Variants in DLG2 observed in about 807,000 individuals in gnomAD.
DLG2 encodes the protein discs large MAGUK scaffold protein 2.
DLG2 carries 45 observed loss-of-function variants against 132.5 expected under a neutral mutation model. The ratio of observed to expected loss-of-function variants is 0.34; its 90% CI spans 0.27 to 0.44. DLG2 has a LOEUF of 0.44. Among genes scored for constraint, DLG2 ranks in the 20% least tolerant of loss-of-function variants. DLG2 has a pLI of 1.00. For missense variants in DLG2, 1,045 were observed against 1,196.9 expected, an observed-to-expected ratio of 0.87 and a Z score of 1.87; for synonymous variants, 424 against 419.6, an observed-to-expected ratio of 1.01 and a Z score of -0.13.
intron 6 of DLG2, among the ~76,000 whole-genome samples, chr11:85,016,446 C>A (rs1335422821): frequency 6.6e-6 from 1 of 152,062 alleles, no homozygotes; most frequent in Non-Finnish European, 1.5e-5. Flanking sequence ...CTTTAGCCAG[C>A]TTGAAACTAA....
rs80219336 is a variant in DLG2 at position 85,234,382 on chromosome 11, T to C, written c.186+50838A>G. 6.6e-3 allele frequency among the ~76,000 whole-genome samples: 1,008 copies of C among 152,088 alleles called. 12 individuals are homozygous for C. The highest frequency in any genetic ancestry group is 0.023 in the African/African-American group (969 of 41,546). On this transcript the variant is annotated intron_variant, in intron 4 of 27. Coordinates refer to ENST00000376104, the MANE Select transcript of DLG2 (RefSeq NM_001142699.3). ...GTTGGAAAGATGCCATTATACAGCG[T>C]GCACAGAAAGAGTGTTTGTTATCTC...
intron 7 of DLG2, among the ~76,000 whole-genome samples, chr11:84,363,948 C>T (rs908760996): frequency 4.6e-5 from 7 of 152,146 alleles, no homozygotes. Context: ...TAGCATGATG[C>T]CTCCAGCTTT....
At chr11:84,575,846 C>T (rs557132460) in intron 6 of DLG2, among the ~76,000 whole-genome samples, 3 of 152,138 alleles carry the variant, frequency 2.0e-5, no homozygotes, top group Non-Finnish European at 4.4e-5. Flanking sequence ...TGTCAATCCA[C>T]ATCTGGTATA....
chr11:84,374,350 T>G (rs1246627070), intron 7 of DLG2, among the ~76,000 whole-genome samples: 2 of 152,232 alleles, frequency 1.3e-5, no homozygotes, highest in Non-Finnish European at 2.9e-5. Context: ...CTCTCTGCTT[T>G]AATTGATTTT....
intron 6 of DLG2, among the ~76,000 whole-genome samples, chr11:84,727,807 C>CT (rs1333392668): frequency 6.6e-6 from 1 of 152,100 alleles, no homozygotes; most frequent in African/African-American, 2.4e-5. Flanking sequence ...TGAAGAGGTC[C>CT]TTCACATTCC....
intron 10 of DLG2, among the ~76,000 whole-genome samples, chr11:84,096,644 T>C (rs933525327): frequency 1.3e-5 from 2 of 152,200 alleles, no homozygotes; most frequent in Admixed American, 6.5e-5. Flanking sequence ...AATTTAGAGA[T>C]AATTTCTAAA....
At chr11:85,351,740 C>T (rs966474246) in intron 3 of DLG2, among the ~76,000 whole-genome samples, 6 of 152,124 alleles carry the variant, frequency 3.9e-5, no homozygotes, top group Non-Finnish European at 8.8e-5. Flanking sequence ...GAACCAGCCT[C>T]GCATCCCAGG....
At chr11:85,240,595 T>C (rs1468944624) in intron 4 of DLG2, among the ~76,000 whole-genome samples, 7 of 151,904 alleles carry the variant, frequency 4.6e-5, no homozygotes, top group Admixed American at 1.3e-4. Flanking sequence ...GATCTTTGTG[T>C]TTGATGGAAG....
At chr11:83,953,561 A>C (rs1266962205) in intron 14 of DLG2, among the ~76,000 whole-genome samples, 1 of 152,204 alleles carries the variant, frequency 6.6e-6, no homozygotes, top group Admixed American at 6.5e-5. Context: ...TGGTGCCAAA[A>C]AGGTTAGGGA....
At chr11:83,917,348 C>G (rs2077076504) in intron 15 of DLG2, among the ~76,000 whole-genome samples, 1 of 152,174 alleles carries the variant, frequency 6.6e-6, no homozygotes, top group South Asian at 2.1e-4. Flanking sequence ...TACCTTGATT[C>G]TACTTTTCAA....
intron 6 of DLG2, among the ~76,000 whole-genome samples, chr11:84,611,658 A>G (rs1156906159): frequency 2.0e-5 from 3 of 152,148 alleles, no homozygotes; most frequent in African/African-American, 7.2e-5. Flanking sequence ...AGTCAGCTAT[A>G]CACATAACTC....
chr11:83,554,941 A>C (rs1472419516), intron 19 of DLG2, among the ~76,000 whole-genome samples: 1 of 152,258 alleles, frequency 6.6e-6, no homozygotes, highest in South Asian at 2.1e-4. Flanking sequence ...TAACAGAAAC[A>C]AGGCACTTTT....
chr11:85,059,554 A>T (rs564463324), intron 6 of DLG2, among the ~76,000 whole-genome samples: 126 of 151,664 alleles, frequency 8.3e-4, no homozygotes, highest in Admixed American at 1.4e-3. Context: ...CGTACAATGG[A>T]TCACCATATG....
At chr11:84,242,506 A>T (rs943332459) in intron 8 of DLG2, among the ~76,000 whole-genome samples, 1 of 151,860 alleles carries the variant, frequency 6.6e-6, no homozygotes, top group Admixed American at 6.6e-5. Flanking sequence ...CCCAGGTTCA[A>T]CTGATTCTCC....
At chr11:85,245,038 T>C (rs574786983) in intron 4 of DLG2, among the ~76,000 whole-genome samples, 2 of 151,948 alleles carry the variant, frequency 1.3e-5, no homozygotes, top group African/African-American at 2.4e-5. Context: ...AAAAATTTAC[T>C]TCTGCTCATT....
intron 6 of DLG2, among the ~76,000 whole-genome samples, chr11:85,017,510 TC>T (rs1454428810): frequency 6.6e-6 from 1 of 152,160 alleles, no homozygotes; most frequent in East Asian, 1.9e-4. Context: ...TTAGGCACAC[TC>T]CCCTTAAAAC....
rs189325335 is a variant in DLG2, at chr11:84,750,438, T to G, written c.358-215707A>C. 7.7e-3 allele frequency among the ~76,000 whole-genome samples: 1,176 copies of G among 152,306 alleles called. 7 individuals carry two copies. Among genetic ancestry groups the G allele is most frequent in the Non-Finnish European group, 0.014 (925 of 68,020 alleles). ...CCACAACTTTGTTAAGATTTGAGGT[T>G]TGGCATAGGCCCGTACATGTTTTTC... On this transcript the variant is annotated intron_variant, in intron 6 of 27. Transcript: ENST00000376104.
chr11:84,035,252 A>G (rs993585284), intron 11 of DLG2, among the ~76,000 whole-genome samples: 1 of 152,154 alleles, frequency 6.6e-6, no homozygotes, highest in Non-Finnish European at 1.5e-5. Flanking sequence ...ACACTTATTG[A>G]GTACTTACTC....
At chr11:85,058,600 A>C (rs777181075) in intron 6 of DLG2, among the ~76,000 whole-genome samples, 1 of 151,534 alleles carries the variant, frequency 6.6e-6, no homozygotes, top group African/African-American at 2.4e-5. Flanking sequence ...GTGTAGAAAT[A>C]TCAAATTGTA....
Sources: gnomAD v4.1 joint callset for allele counts (sites outside exome capture counted in the v4.1 genomes callset) on GRCh38, gnomAD v4.1.1 for gene constraint, MANE v1.5 for transcripts, NCBI Gene and HGNC (gene_info 2026-07-23, HGNC 2026-07-21) for gene names.